ZNF264: variants seen among roughly 807,000 people sequenced by gnomAD.
ZNF264 encodes the protein zinc finger protein 264.
Under a neutral mutation model 11.2 loss-of-function variants are expected in ZNF264, and 11 were observed. The observed-to-expected ratio is 0.98, with a 90% confidence interval of 0.62 to 1.63. ZNF264 has a LOEUF of 1.63. Among genes scored for constraint, ZNF264 ranks in the 40% most tolerant of loss-of-function variants. The pLI is 0.00. For synonymous variants in ZNF264, 309 were observed against 279.8 expected (o/e 1.10, Z -1.04); for missense variants, 752 against 768.1 (o/e 0.98, Z 0.25).
At chr19:57,202,939 G>A (rs910180005) in intron 2 of ZNF264, among the ~76,000 whole-genome samples, 1 of 149,442 alleles carries the variant, frequency 6.7e-6, no homozygotes, top group Non-Finnish European at 1.5e-5. Context: ...GGGATCCGAA[G>A]CTATCCCTGC....
intron 2 of ZNF264, among the ~76,000 whole-genome samples, chr19:57,197,437 A>T (rs572810464): frequency 1.3e-5 from 2 of 151,902 alleles, no homozygotes; most frequent in South Asian, 4.1e-4. Context: ...TTGCTCCAAA[A>T]TCCTAGAGGC....
At chr19:57,208,353 T>G (rs1408643767) in intron 3 of ZNF264, among the ~76,000 whole-genome samples, 1 of 152,042 alleles carries the variant, frequency 6.6e-6, no homozygotes, top group Non-Finnish European at 1.5e-5. Context: ...GAGACCGGCC[T>G]GGGAAACATG....
intron 2 of ZNF264, among the ~76,000 whole-genome samples, chr19:57,203,573 A>T (rs1261807915): frequency 2.0e-5 from 3 of 152,104 alleles, no homozygotes; most frequent in African/African-American, 7.2e-5. Flanking sequence ...TGTTTTTTAA[A>T]GTAGAAGTCC....
chr19:57,210,446 A>G (rs915462925), intron 3 of ZNF264, among the ~76,000 whole-genome samples: 2 of 152,234 alleles, frequency 1.3e-5, no homozygotes, highest in Non-Finnish European at 2.9e-5. Flanking sequence ...TATTACAGAC[A>G]AAGGGAACAA....
At chr19:57,208,028 AT>A (rs1291924445) in intron 3 of ZNF264, among the ~76,000 whole-genome samples, 2 of 150,740 alleles carry the variant, frequency 1.3e-5, no homozygotes, top group Non-Finnish European at 3.0e-5. Context: ...GCCTGGCCAT[AT>A]TTTTAGTAGA....
In ZNF264 at chr19:57,221,251, A is replaced by G. The variant is rs1163908341; in HGVS notation, c.*8270A>G. The G allele has an allele frequency of 6.6e-6, 1 of 151,394 alleles. No homozygotes were observed. Among genetic ancestry groups the G allele is most frequent in the African/African-American group, 2.4e-5 (1 of 41,136 alleles). The allele number at this position is 151,394 out of a possible 1,614,324, so 9.4% of individuals were successfully genotyped here. ...TTTTTAGTAGTAGTGGGATTTCACC[A>G]TGTTGGCCAGGATGGCCTCCACCTC... On this transcript the variant is annotated 3_prime_UTR_variant, in exon 4 of 4. Transcript: ENST00000263095.
chr19:57,192,458 C>G (rs892802033), intron 1 of ZNF264: 35 of 985,306 alleles, frequency 3.6e-5, no homozygotes, highest in Middle Eastern at 5.2e-4. Flanking sequence ...TGCCCTTACT[C>G]TCATCGCTAC....
rs2087356606 is a variant in ZNF264 at position 57,213,422 on chromosome 19, T to TA, written c.*442dup. Reference sequence around the variant, plus strand: ...ATCTTCTGTATTCCACAATAGTACTTACTCTTGAGAAGCATAACTTTATGA... The same window carrying TA: ...ATCTTCTGTATTCCACAATAGTACTTAACTCTTGAGAAGCATAACTTTATGA... On this transcript the variant is annotated 3_prime_UTR_variant, in exon 4 of 4. Coordinates refer to ENST00000263095, the MANE Select transcript of ZNF264 (RefSeq NM_003417.5). 1 of 159,520 alleles carries TA rather than the reference T, an allele frequency of 6.3e-6. No homozygotes were observed. Among genetic ancestry groups the TA allele is most frequent in the South Asian group, 1.7e-4 (1 of 5,756 alleles). The allele number at this position is 159,520 out of a possible 1,614,324, so 9.9% of individuals were successfully genotyped here.
chr19:57,216,409 C>G lies in ZNF264; in HGVS notation c.*3428C>G, dbSNP rs1159740417. The G allele has an allele frequency of 6.6e-6, 1 of 152,178 alleles. No individual in the cohort carries two copies. The highest frequency in any genetic ancestry group is 1.5e-5 in the Non-Finnish European group (1 of 68,034). 9.4% of individuals were successfully genotyped at this position (152,178 alleles called of 1,614,324 possible). On this transcript the variant is annotated 3_prime_UTR_variant, in exon 4 of 4. Transcript: ENST00000263095. ...TGGAAGTGTGTTGCTCTTTCAAGTT[C>G]TATCACTTTTTGTTTGCAAAGTTCA...
At position 57,220,062 on chromosome 19, in the gene ZNF264, A is replaced by G. The variant is rs1003349795; in HGVS notation, c.*7081A>G. 2.4e-4 allele frequency: 37 copies of G among 152,390 alleles called. No individual in the cohort carries two copies. The highest frequency in any genetic ancestry group is 8.9e-4 in the African/African-American group (37 of 41,600). 9.4% of individuals were successfully genotyped at this position (152,390 alleles called of 1,614,324 possible). On this transcript the variant is annotated 3_prime_UTR_variant, in exon 4 of 4. Coordinates refer to ENST00000263095, the MANE Select transcript of ZNF264 (RefSeq NM_003417.5). ...TTTCCTTCATTTTGCAGAGCAGAAT[A>G]TAGATAGGCTCAGGTTAAGAATTTG...
rs1017636895 is a variant in ZNF264 at position 57,219,201 on chromosome 19, C to T, written c.*6220C>T. On this transcript the variant is annotated 3_prime_UTR_variant, in exon 4 of 4. Transcript: ENST00000263095. The stretch of plus-strand genomic sequence containing the variant: ...CTAGCTCTCTATGCCTTGTTGTATC[C>T]TCAGGAAGGAGTCACCTCTCTTCCA... 1.3e-5 allele frequency: 2 copies of T among 152,158 alleles called. No homozygotes were observed. Among genetic ancestry groups the T allele is most frequent in the African/African-American group, 4.8e-5 (2 of 41,410 alleles). 9.4% of individuals were successfully genotyped at this position (152,158 alleles called of 1,614,324 possible). A position where few individuals can be genotyped will look rare whatever the true frequency, so the allele number is the denominator to read the frequency against.
chr19:57,195,631 C>T (rs1010048755), intron 2 of ZNF264, among the ~76,000 whole-genome samples: 1 of 151,798 alleles, frequency 6.6e-6, no homozygotes, highest in African/African-American at 2.4e-5. Context: ...CTAAGAGATG[C>T]CCTAATGGAT....
intron 2 of ZNF264, among the ~76,000 whole-genome samples, chr19:57,201,147 G>A (rs536094825): frequency 6.6e-6 from 1 of 151,934 alleles, no homozygotes; most frequent in East Asian, 1.9e-4. Flanking sequence ...GTGTTTGCTA[G>A]GCCTGGCATT....
In ZNF264 at chr19:57,218,949, T is replaced by A. The variant is rs977436181; in HGVS notation, c.*5968T>A. ...TGTCTTGACATTTGAATAGAAATGT[T>A]AAACTATCTGGGGGAATAGAAAGCC... On this transcript the variant is annotated 3_prime_UTR_variant, in exon 4 of 4. Coordinates refer to ENST00000263095, the MANE Select transcript of ZNF264 (RefSeq NM_003417.5). 3.3e-5 allele frequency: 5 copies of A among 152,324 alleles called. No homozygotes were observed. The highest frequency in any genetic ancestry group is 7.2e-5 in the African/African-American group (3 of 41,568). The allele number at this position is 152,324 out of a possible 1,614,324, so 9.4% of individuals were successfully genotyped here.
intron 3 of ZNF264, among the ~76,000 whole-genome samples, chr19:57,206,313 G>C (rs1483834818): frequency 6.6e-6 from 1 of 151,986 alleles, no homozygotes; most frequent in Non-Finnish European, 1.5e-5. Flanking sequence ...GCACAGTCTC[G>C]GCTCACTGCA....
chr19:57,210,318 C>T (rs1296643834), intron 3 of ZNF264, among the ~76,000 whole-genome samples: 2 of 152,174 alleles, frequency 1.3e-5, no homozygotes, highest in Non-Finnish European at 2.9e-5. Flanking sequence ...TCTAAGACTA[C>T]CAGGTCTAAC....
rs971806184 is a variant in ZNF264, at chr19:57,222,014, A to G, written c.*9033A>G. On this transcript the variant is annotated 3_prime_UTR_variant, in exon 4 of 4. Transcript: ENST00000263095. ...AACATTAAGCAAATAATTTTTTTTC[A>G]GCAAAAAAATAATGGTCATGACTTT... 3 of 152,088 alleles carry G rather than the reference A, an allele frequency of 2.0e-5. No individual in the cohort carries two copies. Among genetic ancestry groups the G allele is most frequent in the African/African-American group, 7.2e-5 (3 of 41,424 alleles). 9.4% of individuals were successfully genotyped at this position (152,088 alleles called of 1,614,324 possible). A position where few individuals can be genotyped will look rare whatever the true frequency, so the allele number is the denominator to read the frequency against.
In ZNF264 at chr19:57,215,013, G is replaced by A. The variant is rs1415204067; in HGVS notation, c.*2032G>A. On this transcript the variant is annotated 3_prime_UTR_variant, in exon 4 of 4. Transcript: ENST00000263095. ...CTAATTTATTGGCTAATAATGTGTA[G>A]TTCTTTTTTCTTTTGTTTCTTATGT... The A allele has an allele frequency of 6.6e-6, 1 of 152,156 alleles. No individual in the cohort carries two copies. The highest frequency in any genetic ancestry group is 2.4e-5 in the African/African-American group (1 of 41,444). 9.4% of individuals were successfully genotyped at this position (152,156 alleles called of 1,614,324 possible).
rs2087362651 is a variant in ZNF264 at position 57,214,184 on chromosome 19, T to G, written c.*1203T>G. 6.6e-6 allele frequency: 1 copy of G among 152,234 alleles called. No homozygotes were observed. Among genetic ancestry groups the G allele is most frequent in the Admixed American group, 6.5e-5 (1 of 15,286 alleles). The allele number at this position is 152,234 out of a possible 1,614,324, so 9.4% of individuals were successfully genotyped here. A position where few individuals can be genotyped will look rare whatever the true frequency, so the allele number is the denominator to read the frequency against. On this transcript the variant is annotated 3_prime_UTR_variant, in exon 4 of 4. Transcript: ENST00000263095. ...GTCATCTGCAAATACAGACCATTTT[T>G]TATCTTTCATCTTACCTGTAATATA...
Sources: gnomAD v4.1 joint callset for allele counts (sites outside exome capture counted in the v4.1 genomes callset) on GRCh38, gnomAD v4.1.1 for gene constraint, MANE v1.5 for transcripts, NCBI Gene and HGNC (gene_info 2026-07-23, HGNC 2026-07-21) for gene names.